The following LRIG3 variants were observed in gnomAD, a reference collection of about 807,000 sequenced individuals.
The protein encoded by LRIG3 is leucine rich repeats and immunoglobulin like domains 3.
Under a neutral mutation model 114.5 loss-of-function variants are expected in LRIG3, and 76 were observed. That is an observed-to-expected ratio of 0.66 (90% CI 0.55 to 0.80). The LOEUF is 0.80. Among genes scored for constraint, LRIG3 ranks in the 30% least tolerant of loss-of-function variants. The probability of loss-of-function intolerance (pLI) is 0.00; values close to 1 mark genes in which losing one functional copy is unlikely to be tolerated. For synonymous variants in LRIG3, 512 were observed against 519.8 expected, an observed-to-expected ratio of 0.98 and a Z score of 0.20; for missense variants, 1,239 against 1,382.8, an observed-to-expected ratio of 0.90 and a Z score of 1.65.
chr12:58,899,104 C>A (rs1192336522), intron 3 of LRIG3, among the ~76,000 whole-genome samples: 2 of 152,158 alleles, frequency 1.3e-5, no homozygotes, highest in African/African-American at 4.8e-5. Context: ...ATTGTTAAGC[C>A]CACACCTTCA....
intron 1 of LRIG3, among the ~76,000 whole-genome samples, chr12:58,917,061 G>A (rs1872505458): frequency 6.6e-6 from 1 of 152,122 alleles, no homozygotes; most frequent in Non-Finnish European, 1.5e-5. Context: ...AAATCAGCCT[G>A]CTATATTCAA....
intron 14 of LRIG3, 33 bp downstream of exon 14, chr12:58,878,791 T>C (rs879095362): frequency 1.9e-6 from 3 of 1,592,780 alleles, no homozygotes; most frequent in South Asian, 1.1e-5. Flanking sequence ...TCAAGACTGA[T>C]TTATACTACA....
At chr12:58,912,827 A>G (rs1186902548) in intron 3 of LRIG3, among the ~76,000 whole-genome samples, 1 of 152,264 alleles carries the variant, frequency 6.6e-6, no homozygotes, top group Non-Finnish European at 1.5e-5. Flanking sequence ...ATTTTAAGCA[A>G]TTGTAAAAGA....
At chr12:58,919,961 G>A in intron 1 of LRIG3, 39 bp downstream of exon 1, 3 of 1,534,262 alleles carry the variant, frequency 2.0e-6, no homozygotes, top group Non-Finnish European at 8.8e-7. Context: ...CGAATCTCCA[G>A]CGGCCCGGGC....
At chr12:58,879,860 G>A (rs1871059911) in intron 13 of LRIG3, among the ~76,000 whole-genome samples, 1 of 152,202 alleles carries the variant, frequency 6.6e-6, no homozygotes, top group African/African-American at 2.4e-5. Context: ...GGAACTGGAG[G>A]CGGAGAAGTG....
At chr12:58,886,788 T>G in intron 9 of LRIG3, 22 bp downstream of exon 9, 1 of 1,606,962 alleles carries the variant, frequency 6.2e-7, no homozygotes, top group Non-Finnish European at 8.5e-7. Flanking sequence ...GTGAGCTAAA[T>G]TATGAGGCAA....
intron 11 of LRIG3, 27 bp from the exon 12 acceptor site, chr12:58,883,059 G>C (rs1332442945): frequency 3.8e-6 from 6 of 1,573,996 alleles, no homozygotes; most frequent in Non-Finnish European, 5.2e-6. Flanking sequence ...CATTCAATTT[G>C]TTCTGTATGA....
chr12:58,914,947 G>A (rs971533955), intron 1 of LRIG3, among the ~76,000 whole-genome samples: 16 of 151,984 alleles, frequency 1.1e-4, no homozygotes, highest in African/African-American at 2.9e-4. Context: ...AAACCACATC[G>A]CCATCTAACA....
intron 3 of LRIG3, among the ~76,000 whole-genome samples, chr12:58,910,697 C>T (rs1872244605): frequency 6.6e-6 from 1 of 152,146 alleles, no homozygotes; most frequent in East Asian, 1.9e-4. Flanking sequence ...CTCTAGGACA[C>T]CAGGCAAGCA....
chr12:58,876,754 T>C (rs899001011), intron 15 of LRIG3, 151 bp from the exon 16 acceptor site: 4 of 760,266 alleles, frequency 5.3e-6, no homozygotes, highest in African/African-American at 1.8e-5. Context: ...TGTACAGTAT[T>C]CTGGAACGGC....
At chr12:58,875,419 G>GA (rs911170291) in intron 16 of LRIG3, among the ~76,000 whole-genome samples, 2 of 152,114 alleles carry the variant, frequency 1.3e-5, no homozygotes, top group Admixed American at 1.3e-4. Context: ...CACCTCTGAC[G>GA]AAACTGTGAA....
At chr12:58,880,331 G>T in intron 13 of LRIG3, 2 of 590,166 alleles carry the variant, frequency 3.4e-6, no homozygotes, top group Non-Finnish European at 6.0e-6. Flanking sequence ...AAAAAAAAAA[G>T]AGCAAAAACA....
At chr12:58,892,702 A>G (rs374775013) in intron 3 of LRIG3, among the ~76,000 whole-genome samples, 1 of 152,242 alleles carries the variant, frequency 6.6e-6, no homozygotes, top group East Asian at 1.9e-4. Context: ...GCCCTATGCT[A>G]AACACTTTTC....
intron 13 of LRIG3, chr12:58,880,299 C>CAAA (rs11442337): frequency 2.0e-3 from 671 of 340,790 alleles, no homozygotes; most frequent in Non-Finnish European, 2.5e-3. Flanking sequence ...GATTCCGTCT[C>CAAA]AAAAAAAAAA....
rs367652315 is a variant in LRIG3, at chr12:58,877,834, C to A, written c.2102G>T (p.Arg701Leu). 4.4e-6 allele frequency: 7 copies of A among 1,594,320 alleles called. No homozygotes were observed. The African/African-American group carries it at 9.4e-5, about 21-fold the overall frequency. Residue 701 changes from arginine (R) to leucine (L), a missense_variant, in exon 15 of 19, where the codon CGG becomes CTG. By Grantham distance (102) the Arg-to-Leu change is moderately radical. Coordinates refer to ENST00000320743, the MANE Select transcript of LRIG3 (RefSeq NM_153377.5). ...GGTTACAGTTCGGTCCAACAGTGGC[C>A]GCAAAAATGATGGTGTTTCTGAAAT... ...LTVLETPSFL[R>L]PLLDRTVTKG...
At chr12:58,886,716 T>C (rs1871286818) in intron 9 of LRIG3, 94 bp downstream of exon 9, 12 of 997,478 alleles carry the variant, frequency 1.2e-5, no homozygotes, top group East Asian at 2.4e-5. Flanking sequence ...TGATTTCTCA[T>C]CTCTTCATGA....
chr12:58,913,017 C>T (rs1026329927), intron 3 of LRIG3, among the ~76,000 whole-genome samples: 8 of 152,302 alleles, frequency 5.3e-5, no homozygotes, highest in African/African-American at 1.9e-4. Context: ...AGCGGCTGCA[C>T]CCGTGACTTA....
intron 15 of LRIG3, among the ~76,000 whole-genome samples, chr12:58,877,195 G>A (rs1276807123): frequency 6.6e-6 from 1 of 152,214 alleles, no homozygotes; most frequent in Non-Finnish European, 1.5e-5. Context: ...ATACCCTGAT[G>A]TCATTTTAAC....
At chr12:58,910,491 C>T (rs1872236161) in intron 3 of LRIG3, among the ~76,000 whole-genome samples, 1 of 152,292 alleles carries the variant, frequency 6.6e-6, no homozygotes, top group South Asian at 2.1e-4. Context: ...GCCTGTAGTC[C>T]CAGCTGCTGG....
Sources: gnomAD v4.1 joint callset for allele counts (sites outside exome capture counted in the v4.1 genomes callset) on GRCh38, gnomAD v4.1.1 for gene constraint, MANE v1.5 for transcripts, NCBI Gene and HGNC (gene_info 2026-07-23, HGNC 2026-07-21) for gene names.